Variants in SORT1 observed in about 807,000 individuals in gnomAD.
SORT1 encodes sortilin 1, also known as sortilin.
In SORT1, 39 loss-of-function variants were observed where a neutral mutation model predicts 101.7. The ratio of observed to expected loss-of-function variants is 0.38; its 90% CI spans 0.30 to 0.50. The LOEUF is 0.50. Among genes scored for constraint, SORT1 ranks in the 20% least tolerant of loss-of-function variants. The pLI is 0.90. For missense variants in SORT1, 878 were observed against 1,040.4 expected (o/e 0.84, Z 2.15); for synonymous variants, 396 against 393.7 (o/e 1.01, Z -0.07).
intron 1 of SORT1, among the ~76,000 whole-genome samples, chr1:109,380,225 C>A (rs1314783279): frequency 6.6e-6 from 1 of 151,656 alleles, no homozygotes; most frequent in Non-Finnish European, 1.5e-5. Context: ...CCTGGGAGTT[C>A]GAGGCTGTAG....
intron 5 of SORT1, among the ~76,000 whole-genome samples, chr1:109,353,844 AG>A (rs1159935063): frequency 6.6e-6 from 1 of 152,162 alleles, no homozygotes; most frequent in Non-Finnish European, 1.5e-5. Context: ...GAGAAGTGGG[AG>A]GGTTAGGGAA....
At chr1:109,364,791 CCT>C (rs879476599) in intron 3 of SORT1, among the ~76,000 whole-genome samples, 1 of 152,150 alleles carries the variant, frequency 6.6e-6, no homozygotes, top group African/African-American at 2.4e-5. Context: ...ACATGCCATC[CCT>C]GATCATTGGC....
At chr1:109,397,528 G>A in intron 1 of SORT1, 59 bp downstream of exon 1, 1 of 1,061,848 alleles carries the variant, frequency 9.4e-7, no homozygotes, top group Non-Finnish European at 1.1e-6. Flanking sequence ...CACGGGCCGG[G>A]AGGGGCACGC....
intron 1 of SORT1, among the ~76,000 whole-genome samples, chr1:109,388,774 A>G (rs983008065): frequency 6.6e-6 from 1 of 152,146 alleles, no homozygotes; most frequent in Non-Finnish European, 1.5e-5. Flanking sequence ...TAGTACTCCC[A>G]TTTCATAGAT....
chr1:109,337,291 G>C (rs898652342), intron 10 of SORT1, among the ~76,000 whole-genome samples: 2 of 152,046 alleles, frequency 1.3e-5, no homozygotes, highest in Non-Finnish European at 2.9e-5. Flanking sequence ...TTGTTGCCCA[G>C]GCTGGAGTGC....
intron 16 of SORT1, among the ~76,000 whole-genome samples, chr1:109,317,525 G>C (rs1325000496): frequency 6.6e-6 from 1 of 152,204 alleles, no homozygotes; most frequent in African/African-American, 2.4e-5. Flanking sequence ...TGGCGGATGG[G>C]ACGCTTCTGT....
chr1:109,330,047 G>A (rs1648355568), intron 11 of SORT1, among the ~76,000 whole-genome samples: 1 of 152,160 alleles, frequency 6.6e-6, no homozygotes, highest in Non-Finnish European at 1.5e-5. Context: ...TGTCACCTGG[G>A]CTGGAGTGCA....
At chr1:109,329,498 CCG>C (rs1426141387) in intron 11 of SORT1, among the ~76,000 whole-genome samples, 1 of 152,228 alleles carries the variant, frequency 6.6e-6, no homozygotes, top group Non-Finnish European at 1.5e-5. Context: ...CGTGATCCGC[CCG>C]CCTTGGTCTC....
At chr1:109,332,512 G>A (rs1375773405) in intron 11 of SORT1, among the ~76,000 whole-genome samples, 1 of 152,148 alleles carries the variant, frequency 6.6e-6, no homozygotes, top group Non-Finnish European at 1.5e-5. Flanking sequence ...TGAGGCTGCA[G>A]TGACCTATGA....
At chr1:109,333,875 G>A (rs1648623573) in intron 11 of SORT1, among the ~76,000 whole-genome samples, 1 of 152,230 alleles carries the variant, frequency 6.6e-6, no homozygotes, top group African/African-American at 2.4e-5. Context: ...GGCCGAGCAT[G>A]GTGGCTCATG....
At chr1:109,386,183 T>C (rs1318373845) in intron 1 of SORT1, among the ~76,000 whole-genome samples, 1 of 152,230 alleles carries the variant, frequency 6.6e-6, no homozygotes, top group African/African-American at 2.4e-5. Flanking sequence ...TTCAATCTCA[T>C]GTCTGTCTGA....
chr1:109,335,796 C>A (rs889493837), intron 11 of SORT1, among the ~76,000 whole-genome samples: 1 of 152,200 alleles, frequency 6.6e-6, no homozygotes. Context: ...CAGGTCACCA[C>A]CCACTGGCCA....
chr1:109,325,067 A>T lies in SORT1; in HGVS notation c.1666T>A (p.Cys556Ser), dbSNP rs1470094705. The T allele has an allele frequency of 1.2e-6, 2 of 1,612,340 alleles. No homozygotes were observed. Among genetic ancestry groups the T allele is most frequent in the South Asian group, 2.2e-5 (2 of 91,002 alleles). The change falls in exon 14 of 20, where the codon TGC becomes AGC. Residue 556 changes from cysteine (C) to serine (S), a missense_variant. By Grantham distance (112) the Cys-to-Ser change is moderately radical (BLOSUM62 -1). This residue lies in a region of SORT1 where 684 missense variants were observed against 894.5 expected (regional missense o/e 0.76). Transcript: ENST00000256637. ...VIKFSTDEGQ[C>S]WQTYTFTRDP... ...CTGGTGAACGTGTAGGTTTGCCAGC[A>T]TTGACCTTCGTCTGTGGAGAACCTG...
At chr1:109,340,161 A>AG (rs902623379) in intron 10 of SORT1, among the ~76,000 whole-genome samples, 6 of 151,532 alleles carry the variant, frequency 4.0e-5, no homozygotes, top group Non-Finnish European at 5.9e-5. Context: ...AAAAAAAAAA[A>AG]AAAGAAAGAA....
chr1:109,384,087 C>G (rs1310425172), intron 1 of SORT1, among the ~76,000 whole-genome samples: 1 of 152,158 alleles, frequency 6.6e-6, no homozygotes, highest in East Asian at 1.9e-4. Flanking sequence ...TTTTCAACTG[C>G]TATGTATCTG....
intron 9 of SORT1, among the ~76,000 whole-genome samples, chr1:109,341,534 A>T (rs1168240404): frequency 6.6e-6 from 1 of 151,984 alleles, no homozygotes; most frequent in Non-Finnish European, 1.5e-5. Flanking sequence ...TTTTTGTAGT[A>T]GAGATGGGGT....
intron 16 of SORT1, 73 bp from the exon 17 acceptor site, chr1:109,317,031 A>G: frequency 1.0e-6 from 1 of 976,156 alleles, no homozygotes; most frequent in Non-Finnish European, 1.6e-6. Context: ...TCTTGGAAAC[A>G]AGATTTGAAA....
At chr1:109,375,801 G>A (rs1296652432) in intron 1 of SORT1, among the ~76,000 whole-genome samples, 1 of 152,046 alleles carries the variant, frequency 6.6e-6, no homozygotes, top group African/African-American at 2.4e-5. Context: ...CCAGACAGTG[G>A]AGTAACATAT....
chr1:109,325,789 A>C (rs1408931198), intron 13 of SORT1, among the ~76,000 whole-genome samples: 1 of 151,912 alleles, frequency 6.6e-6, no homozygotes, highest in Non-Finnish European at 1.5e-5. Context: ...AGCCTGACCA[A>C]CACAACAAAA....
Sources: allele counts gnomAD v4.1 joint callset (sites outside exome capture counted in the v4.1 genomes callset), GRCh38; gene constraint gnomAD v4.1.1; regional missense constraint gnomAD v4.1.1; transcripts MANE v1.5; gene names NCBI Gene and HGNC (gene_info 2026-07-23, HGNC 2026-07-21).